The following GHDC variants were observed in gnomAD, a reference collection of about 807,000 sequenced individuals.
GHDC encodes GH3 domain-containing protein.
Under a neutral mutation model 51.5 loss-of-function variants are expected in GHDC, and 39 were observed. That is an observed-to-expected ratio of 0.76 (90% CI 0.59 to 0.99). The LOEUF is 0.99. Ranked by LOEUF, GHDC falls within the 50% of genes least tolerant of loss-of-function variation. GHDC has a pLI of 0.00. For synonymous variants in GHDC, 282 were observed against 305.2 expected (o/e 0.92, Z 0.79); for missense variants, 610 against 672.8 (o/e 0.91, Z 1.03).
chr17:42,193,693 T>C (rs1470062350), intron 2 of GHDC, 74 bp downstream of exon 2: 11 of 1,393,540 alleles, frequency 7.9e-6, no homozygotes, highest in East Asian at 2.5e-5. Context: ...AAAAATGAAA[T>C]TGGGAAGAAG....
chr17:42,190,968 C>T (rs369690104), intron 6 of GHDC, 50 bp downstream of exon 6: 21 of 1,569,646 alleles, frequency 1.3e-5, no homozygotes, highest in Admixed American at 2.0e-5. Context: ...CCCAGGCCCC[C>T]AGCACGGTCC....
At position 42,193,604 on chromosome 17, in the gene GHDC, G is replaced by A. The variant is rs1026975380; in HGVS notation, c.-13-10C>T. On this transcript the variant is annotated splice_polypyrimidine_tract_variant and intron_variant, in intron 2 of 9. Coordinates refer to ENST00000587427, the MANE Select transcript of GHDC (RefSeq NM_032484.5). The stretch of plus-strand genomic sequence containing the variant: ...CATCTCCAAGCAGCTCCTGGGAAGA[G>A]GAAGGAACCGAGATATGGGGGCATG... 1 of 1,523,182 alleles carries A rather than the reference G, an allele frequency of 6.6e-7. No homozygotes were observed. Among genetic ancestry groups the A allele is most frequent in the Non-Finnish European group, 8.8e-7 (1 of 1,137,646 alleles). The allele number at this position is 1,523,182 out of a possible 1,614,324, so 94.4% of individuals were successfully genotyped here. A position where few individuals can be genotyped will look rare whatever the true frequency, so the allele number is the denominator to read the frequency against.
chr17:42,189,868 C>T lies in GHDC; in HGVS notation c.1428G>A (p.Trp476Ter). The T allele has an allele frequency of 6.4e-7, 1 of 1,561,684 alleles. No individual in the cohort carries two copies. Among genetic ancestry groups the T allele is most frequent in the Non-Finnish European group, 8.7e-7 (1 of 1,154,018 alleles). Residue 476 changes from tryptophan (W) to a stop codon, truncating the protein, a stop_gained, in exon 10 of 10, where the codon TGG (tryptophan) becomes TGA (stop). Coordinates refer to ENST00000587427, the MANE Select transcript of GHDC (RefSeq NM_032484.5). LOFTEE classifies it high-confidence loss of function. ...ASPRYKSLRF[W>*]GSVGPARVHL... Reference sequence around the variant, plus strand: ...GGACTCTGGCAGGGCCCACGCTGCCCCAGAACCGCAGGGACTTGTAGCGGG... The same window carrying T: ...GGACTCTGGCAGGGCCCACGCTGCCTCAGAACCGCAGGGACTTGTAGCGGG...
intron 5 of GHDC, among the ~76,000 whole-genome samples, chr17:42,191,822 G>T (rs2079971061): frequency 6.7e-6 from 1 of 149,602 alleles, no homozygotes. Context: ...GAGTGCAATG[G>T]CGCGATCTCA....
At chr17:42,190,519 A>T in intron 8 of GHDC, 105 bp downstream of exon 8, 2 of 1,440,402 alleles carry the variant, frequency 1.4e-6, no homozygotes, top group South Asian at 1.3e-5. Context: ...CTTTTGTAGG[A>T]GTAGTAAAGG....
chr17:42,193,986 C>A (rs532983557), intron 1 of GHDC, 136 bp from the exon 2 acceptor site: 1 of 193,788 alleles, frequency 5.2e-6, no homozygotes, highest in Non-Finnish European at 1.1e-5. Context: ...AGTTTGCAAC[C>A]GGCCTGAGCA....
chr17:42,189,583 G>A lies in GHDC; in HGVS notation c.*120C>T, dbSNP rs2079950578. ...TCTCTAAGGCCCAGCGGCTCTCATG[G>A]GCAAATGTCAGGTGACACAGAGTCA... On this transcript the variant is annotated 3_prime_UTR_variant, in exon 10 of 10. Transcript: ENST00000587427. 1 of 533,926 alleles carries A rather than the reference G, an allele frequency of 1.9e-6. No homozygotes were observed. The highest frequency in any genetic ancestry group is 3.3e-5 in the East Asian group (1 of 30,226). 33.1% of individuals were successfully genotyped at this position (533,926 alleles called of 1,614,324 possible).
Position 42,189,647 on chromosome 17 carries a change from A to G in GHDC, c.*56T>C. 1.1e-6 allele frequency: 1 copy of G among 916,982 alleles called. No individual in the cohort carries two copies. Among genetic ancestry groups the G allele is most frequent in the Non-Finnish European group, 1.6e-6 (1 of 641,446 alleles). 56.8% of individuals were successfully genotyped at this position (916,982 alleles called of 1,614,324 possible). A position where few individuals can be genotyped will look rare whatever the true frequency, so the allele number is the denominator to read the frequency against. ...AGGACTCCCCATCCGGAGAGGTCCC[A>G]GAGGGAGGGGCGAGGTGGCCTCTGG... On this transcript the variant is annotated 3_prime_UTR_variant, in exon 10 of 10. Transcript: ENST00000587427.
Position 42,189,635 on chromosome 17 carries a change from C to T in GHDC, c.*68G>A, listed in dbSNP as rs896214466. ...AGACCCTGGCCAAGGACTCCCCATC[C>T]GGAGAGGTCCCAGAGGGAGGGGCGA... On this transcript the variant is annotated 3_prime_UTR_variant, in exon 10 of 10. Coordinates refer to ENST00000587427, the MANE Select transcript of GHDC (RefSeq NM_032484.5). 9 of 771,522 alleles carry T rather than the reference C, an allele frequency of 1.2e-5. No homozygotes were observed. The highest frequency in any genetic ancestry group is 7.2e-5 in the African/African-American group (4 of 55,806). The allele number at this position is 771,522 out of a possible 1,614,324, so 47.8% of individuals were successfully genotyped here. A position where few individuals can be genotyped will look rare whatever the true frequency, so the allele number is the denominator to read the frequency against.
chr17:42,192,881 C>T (rs771333746), intron 4 of GHDC, 25 bp downstream of exon 4: 1 of 1,612,682 alleles, frequency 6.2e-7, no homozygotes, highest in Non-Finnish European at 8.5e-7. Context: ...GTGGCCAGGA[C>T]TGGGCTCTGG....
rs769762725 is a variant in GHDC, at chr17:42,192,325, C to G, written c.805G>C (p.Gly269Arg). 2.2e-5 allele frequency: 36 copies of G among 1,612,080 alleles called. No homozygotes were observed. Among genetic ancestry groups the G allele is most frequent in the Non-Finnish European group, 3.0e-5 (35 of 1,179,196 alleles). The change falls in exon 5 of 10, where the codon GGC (glycine) becomes CGC (arginine). Residue 269 changes from glycine (G) to arginine (R), a missense_variant. By Grantham distance (125) the Gly-to-Arg change is moderately radical. Around this residue, in one of 2 missense-constraint regions of GHDC, gnomAD observed 412 missense variants for 410.4 expected, o/e 1.00. Coordinates refer to ENST00000587427, the MANE Select transcript of GHDC (RefSeq NM_032484.5). ...LQVVVTLDAG[G>R]QAEAVAALGA... is the part of the protein sequence containing the mutation. ...AGGGCAGCCACAGCCTCGGCCTGGC[C>G]TCCTGCATCCAGAGTCACCACCACC... is the stretch of plus-strand genomic sequence containing the variant.
In GHDC at chr17:42,192,593, G is replaced by A. The variant is rs765845678; in HGVS notation, c.537C>T (p.Thr179=). 1.2e-6 allele frequency: 2 copies of A among 1,613,604 alleles called. No individual in the cohort carries two copies. Among genetic ancestry groups the A allele is most frequent in the Admixed American group, 3.3e-5 (2 of 60,032 alleles). The change falls in exon 5 of 10, where the codon ACC becomes ACT. Residue 179 remains threonine (T), a synonymous_variant. Transcript: ENST00000587427. Reference sequence around the variant, plus strand: ...CCAGCAGCAGGGCCCTAGGGTCCTTGGTTCCAGGGGTGCCCACCTGGCCCA... The same window carrying A: ...CCAGCAGCAGGGCCCTAGGGTCCTTAGTTCCAGGGGTGCCCACCTGGCCCA... ...NTLGQVGTPG[T]KDPRALLLDA... is the part of the protein sequence containing the mutation.
rs2079976379 is a variant in GHDC at position 42,192,412 on chromosome 17, G to A, written c.718C>T (p.Leu240Phe). The change falls in exon 5 of 10, where the codon CTC (leucine) becomes TTC (phenylalanine). Residue 240 changes from leucine (L) to phenylalanine (F), a missense_variant. By Grantham distance (22) the Leu-to-Phe change is conservative. Coordinates refer to ENST00000587427, the MANE Select transcript of GHDC (RefSeq NM_032484.5). Reference sequence around the variant, plus strand: ...GGCCCCTGCTCTAGGGCCTCCCGGAGCTCAGCTGCCCGTTCACGGAGAGGC... The same window carrying A: ...GGCCCCTGCTCTAGGGCCTCCCGGAACTCAGCTGCCCGTTCACGGAGAGGC... ...GAPLRERAAE[L>F]REALEQGPRG... 3 of 1,613,116 alleles carry A rather than the reference G, an allele frequency of 1.9e-6. No individual in the cohort carries two copies. Among genetic ancestry groups the A allele is most frequent in the Non-Finnish European group, 2.5e-6 (3 of 1,179,990 alleles).
In GHDC at chr17:42,192,671, A is replaced by G. The variant is rs753387151; in HGVS notation, c.459T>C (p.Arg153=). ...GGGGCCAAGGGGATGTAAGCGTCAC[A>G]CGGGCAGTGCGTCCCTGAGCCAGCA... ...PEVLAQGRTA[R]VTLTSPWPRP... is the part of the protein sequence containing the mutation. The change falls in exon 5 of 10, where the codon CGT becomes CGC. Residue 153 remains arginine (R), a synonymous_variant. Transcript: ENST00000587427. 1.9e-6 allele frequency: 3 copies of G among 1,600,442 alleles called. No individual in the cohort carries two copies. The highest frequency in any genetic ancestry group is 3.4e-5 in the Admixed American group (2 of 58,440).
intron 6 of GHDC, 38 bp downstream of exon 6, chr17:42,190,980 A>G: frequency 6.4e-7 from 1 of 1,565,014 alleles, no homozygotes; most frequent in Non-Finnish European, 8.6e-7. Flanking sequence ...GCACGGTCCC[A>G]TAGGGCCCCA....
chr17:42,189,659 G>A lies in GHDC; in HGVS notation c.*44C>T, dbSNP rs1340153429. The A allele has an allele frequency of 1.2e-5, 12 of 1,040,066 alleles. No individual in the cohort carries two copies. Among genetic ancestry groups the A allele is most frequent in the East Asian group, 2.9e-5 (1 of 34,378 alleles). 64.4% of individuals were successfully genotyped at this position (1,040,066 alleles called of 1,614,324 possible). The stretch of plus-strand genomic sequence containing the variant: ...CCGGAGAGGTCCCAGAGGGAGGGGC[G>A]AGGTGGCCTCTGGGGGGAGCTGGGC... On this transcript the variant is annotated 3_prime_UTR_variant, in exon 10 of 10. Coordinates refer to ENST00000587427, the MANE Select transcript of GHDC (RefSeq NM_032484.5).
Position 42,191,050 on chromosome 17 carries a change from C to T in GHDC, c.1050G>A (p.Glu350=). ...LAEAQQGKEY[E]LVLTDRASLT... is the part of the protein sequence containing the mutation. ...GGCTGGCGCGGTCCGTCAGCACCAGCTCATACTCCTTGCCCTGCTGGGCCT... is the reference window on the plus strand; with the variant it reads ...GGCTGGCGCGGTCCGTCAGCACCAGTTCATACTCCTTGCCCTGCTGGGCCT... The change falls in exon 6 of 10, where the codon GAG becomes GAA. Residue 350 remains glutamate (E), a synonymous_variant. Transcript: ENST00000587427. The T allele has an allele frequency of 6.3e-7, 1 of 1,585,676 alleles. No individual in the cohort carries two copies. Among genetic ancestry groups the T allele is most frequent in the Non-Finnish European group, 8.6e-7 (1 of 1,167,144 alleles).
At chr17:42,190,316 G>A in intron 8 of GHDC, 46 bp from the exon 9 acceptor site, 1 of 1,614,142 alleles carries the variant, frequency 6.2e-7, no homozygotes, top group South Asian at 1.1e-5. Flanking sequence ...TGAATGGGCA[G>A]CTGCCAAGTC....
At chr17:42,190,517 G>A in intron 8 of GHDC, 107 bp downstream of exon 8, 1 of 1,438,586 alleles carries the variant, frequency 7.0e-7, no homozygotes, top group Non-Finnish European at 9.3e-7. Context: ...GACTTTTGTA[G>A]GAGTAGTAAA....
Sources: allele counts gnomAD v4.1 joint callset (sites outside exome capture counted in the v4.1 genomes callset), GRCh38; gene constraint gnomAD v4.1.1; regional missense constraint gnomAD v4.1.1; transcripts MANE v1.5; gene names NCBI Gene and HGNC (gene_info 2026-07-23, HGNC 2026-07-21).